Variants in ESRRG observed in about 807,000 individuals in gnomAD.
The protein encoded by ESRRG is estrogen-related receptor gamma.
Under a neutral mutation model 44.0 loss-of-function variants are expected in ESRRG, and 13 were observed. The ratio of observed to expected loss-of-function variants is 0.30; its 90% CI spans 0.19 to 0.47. ESRRG has a LOEUF of 0.47. ESRRG is among the 20% of genes least tolerant of loss of function. The pLI, the probability that ESRRG is intolerant of heterozygous loss-of-function variation, is 1.00. For synonymous variants in ESRRG, 215 were observed against 214.6 expected, an observed-to-expected ratio of 1.00 and a Z score of -0.02; for missense variants, 395 against 580.6, an observed-to-expected ratio of 0.68 and a Z score of 3.29.
At chr1:216,532,371 G>A (rs564289449) in intron 5 of ESRRG, among the ~76,000 whole-genome samples, 7 of 152,284 alleles carry the variant, frequency 4.6e-5, no homozygotes, top group South Asian at 4.1e-4. Flanking sequence ...TCCCAGAGCT[G>A]CACTAAAGTG....
intron 1 of ESRRG, among the ~76,000 whole-genome samples, chr1:217,128,421 A>C (rs185045675): frequency 1.3e-5 from 2 of 152,296 alleles, no homozygotes; most frequent in African/African-American, 4.8e-5. Context: ...GTAACTTTAC[A>C]AGCATGTCAT....
At chr1:217,120,520 A>C (rs1307964204) in intron 1 of ESRRG, among the ~76,000 whole-genome samples, 1 of 151,622 alleles carries the variant, frequency 6.6e-6, no homozygotes, top group Non-Finnish European at 1.5e-5. Context: ...ATGGCATCTC[A>C]TTCCCCTTAG....
chr1:216,666,959 A>G (rs2151323437), intron 2 of ESRRG, among the ~76,000 whole-genome samples: 1 of 152,308 alleles, frequency 6.6e-6, no homozygotes, highest in African/African-American at 2.4e-5. Flanking sequence ...TCAGTGGAAG[A>G]AATGGTAATG....
chr1:216,761,526 G>T (rs1256161977), intron 2 of ESRRG, among the ~76,000 whole-genome samples: 1 of 152,068 alleles, frequency 6.6e-6, no homozygotes, highest in African/African-American at 2.4e-5. Context: ...AATCAGAGTG[G>T]TTACAAATAA....
At chr1:216,912,343 G>A (rs1425270850) in intron 2 of ESRRG, among the ~76,000 whole-genome samples, 2 of 135,442 alleles carry the variant, frequency 1.5e-5, no homozygotes, top group African/African-American at 5.4e-5. Context: ...AAAGAAGGAA[G>A]GAAGCAAGGG....
At chr1:217,031,153 A>C (rs1579780752) in intron 1 of ESRRG, among the ~76,000 whole-genome samples, 1 of 152,232 alleles carries the variant, frequency 6.6e-6, no homozygotes, top group East Asian at 1.9e-4. Flanking sequence ...ATTTTAAAAA[A>C]AACTATGTTG....
At chr1:216,591,945 T>C (rs1397964496) in intron 3 of ESRRG, among the ~76,000 whole-genome samples, 1 of 152,090 alleles carries the variant, frequency 6.6e-6, no homozygotes, top group Non-Finnish European at 1.5e-5. Flanking sequence ...AAAGAGCAAC[T>C]TTATAGTGGA....
At chr1:216,942,562 C>T (rs573433434) in intron 1 of ESRRG, among the ~76,000 whole-genome samples, 1 of 152,268 alleles carries the variant, frequency 6.6e-6, no homozygotes, top group African/African-American at 2.4e-5. Flanking sequence ...TCTCCACAAC[C>T]CCACAAACAT....
chr1:216,837,410 C>CAAAAAAAAAA (rs3072231), intron 2 of ESRRG, among the ~76,000 whole-genome samples: 20 of 148,320 alleles, frequency 1.3e-4, no homozygotes, highest in East Asian at 4.0e-4. Flanking sequence ...GACTCCGTAT[C>CAAAAAAAAAA]AAAAAAAAAA....
chr1:216,551,816 A>G (rs997719519), intron 5 of ESRRG, among the ~76,000 whole-genome samples: 2 of 152,126 alleles, frequency 1.3e-5, no homozygotes, highest in African/African-American at 4.8e-5. Context: ...CCTTTAAAGC[A>G]TCTTTAAATT....
intron 2 of ESRRG, among the ~76,000 whole-genome samples, chr1:216,676,503 T>G (rs1305540024): frequency 6.6e-6 from 1 of 152,076 alleles, no homozygotes; most frequent in Non-Finnish European, 1.5e-5. Context: ...AGAGCAGTGA[T>G]TCTTAAAATT....
In ESRRG at chr1:217,132,337, G is replaced by T. The variant is rs567781816; in HGVS notation, c.-230+5330C>A. ...CTAGTCAAAGGTCTAGCTGGGAAAAGGGAGAGGAACAACTGGGATTGGTTC... is the reference window on the plus strand; with the variant it reads ...CTAGTCAAAGGTCTAGCTGGGAAAATGGAGAGGAACAACTGGGATTGGTTC... On this transcript the variant is annotated intron_variant, in intron 1 of 8. Coordinates refer to the ESRRG transcript ENST00000366940. Among the ~76,000 whole-genome samples the T allele has an allele frequency of 5.3e-5, 8 of 152,208 alleles. No individual in the cohort carries two copies. The East Asian group carries it at 1.5e-3, about 29-fold the overall frequency.
At chr1:216,750,717 G>A (rs1334495013) in intron 2 of ESRRG, among the ~76,000 whole-genome samples, 1 of 151,738 alleles carries the variant, frequency 6.6e-6, no homozygotes, top group Non-Finnish European at 1.5e-5. Context: ...ACCCGAAGAA[G>A]AACATACTGT....
At chr1:217,122,409 T>G (rs1331098823) in intron 1 of ESRRG, among the ~76,000 whole-genome samples, 2 of 152,174 alleles carry the variant, frequency 1.3e-5, no homozygotes, top group Non-Finnish European at 1.5e-5. Context: ...TGATTTTGAC[T>G]AAGTTACCTC....
chr1:217,092,491 G>A (rs1342250795), upstream of ESRRG, among the ~76,000 whole-genome samples: 1 of 152,140 alleles, frequency 6.6e-6, no homozygotes, highest in East Asian at 1.9e-4. Context: ...TTACACAGAT[G>A]GGGTTCAAAT....
intron 2 of ESRRG, among the ~76,000 whole-genome samples, chr1:216,656,503 C>T (rs1221076523): frequency 6.6e-6 from 1 of 152,182 alleles, no homozygotes; most frequent in Non-Finnish European, 1.5e-5. Flanking sequence ...TTCTCACTTA[C>T]TGCTTAATAG....
At chr1:216,714,453 T>C (rs1032744783) in intron 1 of ESRRG, 11 of 272,938 alleles carry the variant, frequency 4.0e-5, no homozygotes, top group African/African-American at 2.5e-4. Flanking sequence ...TATCTCAATG[T>C]GGCAGCAGAG....
chr1:216,530,696 T>C (rs1174085127), intron 5 of ESRRG, among the ~76,000 whole-genome samples: 5 of 152,184 alleles, frequency 3.3e-5, no homozygotes, highest in Admixed American at 6.6e-5. Flanking sequence ...GTACTTTCAC[T>C]GAAATGACCA....
chr1:216,618,269 G>A (rs925614378), intron 3 of ESRRG, among the ~76,000 whole-genome samples: 8 of 152,180 alleles, frequency 5.3e-5, no homozygotes, highest in South Asian at 2.1e-4. Context: ...ATAGATTTGC[G>A]TGTTTTCCCA....
Sources: allele counts gnomAD v4.1 joint callset (sites outside exome capture counted in the v4.1 genomes callset), GRCh38; gene constraint gnomAD v4.1.1; transcripts MANE v1.5; gene names NCBI Gene and HGNC (gene_info 2026-07-23, HGNC 2026-07-21).